Variants in NEK1 observed in about 807,000 individuals in gnomAD.
NEK1 encodes serine/threonine-protein kinase Nek1.
In NEK1, 137 loss-of-function variants were observed where a neutral mutation model predicts 182.1. That is an observed-to-expected ratio of 0.75 (90% CI 0.65 to 0.87). NEK1 has a LOEUF of 0.87. NEK1 is among the 40% of genes least tolerant of loss of function. The probability of loss-of-function intolerance (pLI) is 0.00; values close to 1 mark genes in which losing one functional copy is unlikely to be tolerated. For synonymous variants in NEK1, 513 were observed against 492.2 expected (o/e 1.04, Z -0.56); for missense variants, 1,391 against 1,494.4 (o/e 0.93, Z 1.14).
chr4:169,415,714 T>C (rs1348255659), intron 31 of NEK1, among the ~76,000 whole-genome samples: 6 of 152,310 alleles, frequency 3.9e-5, no homozygotes, highest in East Asian at 3.9e-4. Context: ...ATGGTGGCAA[T>C]CAAAGCATTA....
chr4:169,564,585 T>C, intron 12 of NEK1, among the ~76,000 whole-genome samples: 1 of 152,124 alleles, frequency 6.6e-6, no homozygotes, highest in East Asian at 1.9e-4. Flanking sequence ...GAAATAAATG[T>C]GTCACCATAT....
intron 18 of NEK1, among the ~76,000 whole-genome samples, chr4:169,541,818 A>G (rs916997736): frequency 9.2e-5 from 14 of 152,166 alleles, no homozygotes; most frequent in African/African-American, 2.9e-4. Flanking sequence ...ACACACTGTC[A>G]TTTCAACCTT....
intron 16 of NEK1, among the ~76,000 whole-genome samples, chr4:169,558,785 T>A (rs1030258501): frequency 6.6e-6 from 1 of 152,164 alleles, no homozygotes; most frequent in Admixed American, 6.5e-5. Flanking sequence ...TACTAAATAA[T>A]CAAAAACATT....
chr4:169,467,893 A>G (rs370080802), intron 26 of NEK1, among the ~76,000 whole-genome samples: 2 of 152,160 alleles, frequency 1.3e-5, no homozygotes, highest in East Asian at 3.8e-4. Context: ...TGATCTAAAC[A>G]TACCAGTTAA....
chr4:169,599,141 G>C lies in NEK1; in HGVS notation c.271C>G (p.Arg91Gly). ...AAAACGCCTTTCTGAGCATTTATTC[G>C]CTTAAACAGATCCCCTCCCTCACAG... ...DYCEGGDLFK[R>G]INAQKGVLFQ... Residue 91 changes from arginine (R) to glycine (G), a missense_variant, in exon 5 of 36, where the codon CGA becomes GGA. Arg to Gly is a moderately radical substitution (Grantham distance 125). Coordinates refer to ENST00000507142, the MANE Select transcript of NEK1 (RefSeq NM_001199397.3). 6.2e-7 allele frequency: 1 copy of C among 1,613,264 alleles called. No homozygotes were observed. The highest frequency in any genetic ancestry group is 8.5e-7 in the Non-Finnish European group (1 of 1,179,648).
At position 169,444,051 on chromosome 4, in the gene NEK1, G is replaced by C. The variant is rs139414859; in HGVS notation, c.2588-5792C>G. On this transcript the variant is annotated intron_variant, in intron 27 of 35. Transcript: ENST00000507142. ...GATCCTATAAGAAATGCTTAAGAGA[G>C]CACTACATGTGGAAATAAAAGGACA... 2.0e-5 allele frequency among the ~76,000 whole-genome samples: 3 copies of C among 152,250 alleles called. No homozygotes were observed. The East Asian group carries it at 5.8e-4, about 29-fold the overall frequency.
chr4:169,577,355 G>C (rs557782371), intron 11 of NEK1, among the ~76,000 whole-genome samples: 89 of 151,832 alleles, frequency 5.9e-4, no homozygotes, highest in Non-Finnish European at 1.2e-3. Flanking sequence ...GTGAGTGATG[G>C]TTGCACGTAT....
intron 12 of NEK1, among the ~76,000 whole-genome samples, chr4:169,563,229 C>G (rs1763192895): frequency 6.6e-6 from 1 of 151,874 alleles, no homozygotes; most frequent in Non-Finnish European, 1.5e-5. Flanking sequence ...AGGCATGTGG[C>G]CCACACCTGT....
chr4:169,465,436 G>GT (rs1561236489), intron 26 of NEK1, among the ~76,000 whole-genome samples: 1 of 152,082 alleles, frequency 6.6e-6, no homozygotes, highest in African/African-American at 2.4e-5. Context: ...AAAGTGGCTA[G>GT]TGTTTGCAAG....
chr4:169,525,219 C>T (rs7654677), intron 19 of NEK1, among the ~76,000 whole-genome samples: 13,513 of 152,204 alleles, frequency 0.089, 787 homozygotes, highest in African/African-American at 0.16. Flanking sequence ...ACCTCCACCT[C>T]CTGGGTTAAA....
chr4:169,401,277 T>TG (rs1731634811), intron 33 of NEK1, among the ~76,000 whole-genome samples: 1 of 152,210 alleles, frequency 6.6e-6, no homozygotes, highest in Non-Finnish European at 1.5e-5. Context: ...AAAGAGTTTT[T>TG]AGTACTTTAA....
chr4:169,407,697 T>A (rs940304145), intron 31 of NEK1, among the ~76,000 whole-genome samples: 3 of 152,166 alleles, frequency 2.0e-5, no homozygotes, highest in Admixed American at 6.5e-5. Flanking sequence ...CACAGCTGGG[T>A]TAACCCTAAA....
At chr4:169,541,442 A>G (rs911076581) in intron 18 of NEK1, among the ~76,000 whole-genome samples, 1 of 152,192 alleles carries the variant, frequency 6.6e-6, no homozygotes, top group Admixed American at 6.6e-5. Flanking sequence ...ATATAAGCAA[A>G]GGTAGACTGG....
intron 18 of NEK1, among the ~76,000 whole-genome samples, chr4:169,552,782 T>C (rs1321033190): frequency 6.6e-6 from 1 of 152,146 alleles, no homozygotes; most frequent in Non-Finnish European, 1.5e-5. Context: ...ATTGCTTTCC[T>C]ATATATAAAC....
intron 23 of NEK1, among the ~76,000 whole-genome samples, chr4:169,488,590 T>C (rs1263963379): frequency 1.3e-5 from 2 of 152,212 alleles, no homozygotes; most frequent in African/African-American, 4.8e-5. Flanking sequence ...ATTTTTATCC[T>C]TTGTTAGATT....
intron 19 of NEK1, among the ~76,000 whole-genome samples, chr4:169,511,160 T>C (rs1451232087): frequency 6.6e-6 from 1 of 152,078 alleles, no homozygotes; most frequent in Non-Finnish European, 1.5e-5. Flanking sequence ...AGCAAAAAAG[T>C]ATTACTGTAA....
chr4:169,489,219 A>T (rs1322299647), intron 23 of NEK1, among the ~76,000 whole-genome samples: 1 of 152,244 alleles, frequency 6.6e-6, no homozygotes, highest in Non-Finnish European at 1.5e-5. Context: ...TTACGTGGTA[A>T]ATCAGTTAAG....
At chr4:169,530,232 A>ATT (rs1757464965) in intron 19 of NEK1, among the ~76,000 whole-genome samples, 1 of 152,222 alleles carries the variant, frequency 6.6e-6, no homozygotes, top group Non-Finnish European at 1.5e-5. Context: ...GAATATCATT[A>ATT]CAGTGCAGGA....
intron 27 of NEK1, among the ~76,000 whole-genome samples, chr4:169,455,566 T>A (rs1191883017): frequency 6.6e-6 from 1 of 152,096 alleles, no homozygotes; most frequent in Non-Finnish European, 1.5e-5. Flanking sequence ...CAAGAGGATA[T>A]AACAGTTATA....
Sources: allele counts gnomAD v4.1 joint callset (sites outside exome capture counted in the v4.1 genomes callset), GRCh38; gene constraint gnomAD v4.1.1; transcripts MANE v1.5; gene names NCBI Gene and HGNC (gene_info 2026-07-23, HGNC 2026-07-21).